The following KIF16B variants were observed in gnomAD, a reference collection of about 807,000 sequenced individuals.
KIF16B encodes the protein kinesin-like protein KIF16B.
A neutral mutation model predicts 156.3 loss-of-function variants in KIF16B; 98 were observed. The ratio of observed to expected loss-of-function variants is 0.63; its 90% confidence interval spans 0.53 to 0.74. The LOEUF (loss-of-function observed/expected upper bound fraction) is 0.74, where lower values mean the gene tolerates loss of function less well. Among genes scored for constraint, KIF16B ranks in the 30% least tolerant of loss-of-function variants. The probability of loss-of-function intolerance (pLI) is 0.00; values close to 1 mark genes in which losing one functional copy is unlikely to be tolerated. For missense variants in KIF16B, 1,421 were observed against 1,606.5 expected, an observed-to-expected ratio of 0.88 and a Z score of 1.97; for synonymous variants, 564 against 583.7, an observed-to-expected ratio of 0.97 and a Z score of 0.49.
intron 22 of KIF16B, chr20:16,368,265 A>G: frequency 1.0e-6 from 1 of 1,003,052 alleles, no homozygotes; most frequent in Non-Finnish European, 1.2e-6. Flanking sequence ...TTGGCGAGGA[A>G]CCTGGTAAAC....
At chr20:16,428,205 T>A (rs2066407792) in intron 14 of KIF16B, among the ~76,000 whole-genome samples, 1 of 152,200 alleles carries the variant, frequency 6.6e-6, no homozygotes, top group Non-Finnish European at 1.5e-5. Context: ...CTGTGGTTTT[T>A]GCCATTACTG....
At chr20:16,483,528 C>G (rs969051693) in intron 12 of KIF16B, among the ~76,000 whole-genome samples, 5 of 152,144 alleles carry the variant, frequency 3.3e-5, no homozygotes, top group African/African-American at 4.8e-5. Context: ...AGGATAGATT[C>G]AGAGTAAACA....
intron 12 of KIF16B, among the ~76,000 whole-genome samples, chr20:16,477,112 G>C (rs1288581363): frequency 2.0e-5 from 3 of 150,932 alleles, no homozygotes; most frequent in African/African-American, 7.3e-5. Flanking sequence ...TGAGAAAACA[G>C]AATCTAGCCC....
At chr20:16,418,731 T>C (rs1179878501) in intron 15 of KIF16B, among the ~76,000 whole-genome samples, 4 of 152,178 alleles carry the variant, frequency 2.6e-5, no homozygotes, top group East Asian at 3.9e-4. Context: ...ACGCAACTCA[T>C]GTAGAGGCAT....
intron 25 of KIF16B, among the ~76,000 whole-genome samples, chr20:16,298,183 T>C (rs1177763347): frequency 6.6e-6 from 1 of 152,198 alleles, no homozygotes; most frequent in African/African-American, 2.4e-5. Flanking sequence ...GCAGAATCTG[T>C]ATTTTTCAAA....
chr20:16,343,449 T>C (rs919597238), intron 23 of KIF16B, among the ~76,000 whole-genome samples: 1 of 152,204 alleles, frequency 6.6e-6, no homozygotes, highest in African/African-American at 2.4e-5. Flanking sequence ...CCTTTACAGT[T>C]ACTTGAAGAG....
At chr20:16,352,848 T>C (rs916740015) in intron 23 of KIF16B, among the ~76,000 whole-genome samples, 7 of 152,294 alleles carry the variant, frequency 4.6e-5, no homozygotes, top group African/African-American at 1.7e-4. Context: ...GGCCCTGGTG[T>C]GGTCACACAA....
intron 25 of KIF16B, among the ~76,000 whole-genome samples, chr20:16,285,366 G>T (rs1283086405): frequency 6.6e-6 from 1 of 152,134 alleles, no homozygotes; most frequent in Admixed American, 6.5e-5. Flanking sequence ...TTCATTGTTT[G>T]TACATGCATG....
At chr20:16,514,885 CAAAAAAAAA>C (rs10564862) in intron 4 of KIF16B, among the ~76,000 whole-genome samples, 1,407 of 60,676 alleles carry the variant, frequency 0.023, 13 homozygotes, top group African/African-American at 0.1. Context: ...GATTCCATCT[CAAAAAAAAA>C]AAAAAAAAAA....
chr20:16,478,180 C>A (rs1269456113), intron 12 of KIF16B, among the ~76,000 whole-genome samples: 3 of 152,156 alleles, frequency 2.0e-5, no homozygotes, highest in Admixed American at 2.0e-4. Flanking sequence ...GAGGGCAAAT[C>A]ATTTGAAAAT....
At chr20:16,291,477 A>G (rs2063314112) in intron 25 of KIF16B, among the ~76,000 whole-genome samples, 1 of 152,348 alleles carries the variant, frequency 6.6e-6, no homozygotes, top group South Asian at 2.1e-4. Context: ...TCTTTCAGTC[A>G]TCAAAACTTT....
Position 16,504,354 on chromosome 20 carries a change from ATC to A in KIF16B, c.1176+16_1176+17del. The A allele has an allele frequency of 6.2e-7, 1 of 1,611,498 alleles. No individual in the cohort carries two copies. Among genetic ancestry groups the A allele is most frequent in the Non-Finnish European group, 8.5e-7 (1 of 1,178,244 alleles). On this transcript the variant is annotated intron_variant, in intron 10 of 25. Coordinates refer to ENST00000354981, the MANE Select transcript of KIF16B (RefSeq NM_024704.5). ...ATTACTCAAAGAAAATTATCCATAA[ATC>A]TCAGAAAAACCCAACCTGATTCCCT... is the stretch of plus-strand genomic sequence containing the variant.
intron 6 of KIF16B, among the ~76,000 whole-genome samples, chr20:16,508,855 T>C (rs1600578683): frequency 6.6e-6 from 1 of 152,354 alleles, no homozygotes; most frequent in East Asian, 1.9e-4. Flanking sequence ...AAAGTGTTTT[T>C]TAAATCATTT....
intron 15 of KIF16B, among the ~76,000 whole-genome samples, chr20:16,416,675 G>A (rs1301940465): frequency 4.0e-5 from 6 of 150,986 alleles, no homozygotes; most frequent in Admixed American, 2.6e-4. Flanking sequence ...CATGGCACAC[G>A]TTTACATATG....
rs1275281057 is a variant in KIF16B at position 16,371,752 on chromosome 20, A to G, written c.3360T>C (p.Ala1120=). ...GTCTTTGGACTTCTTCTTCAATGTA[A>G]GCATTGATCCTGTAACACAATGGAG... The part of the protein sequence containing the change: ...LVPLMDARIN[A]YIEEEVQRRL... Residue 1120 remains alanine, a synonymous_variant, in exon 21 of 26, where the codon GCT becomes GCC. Transcript: ENST00000354981. The G allele has an allele frequency of 6.2e-7, 1 of 1,607,482 alleles. No homozygotes were observed. Among genetic ancestry groups the G allele is most frequent in the Non-Finnish European group, 8.5e-7 (1 of 1,173,944 alleles).
chr20:16,339,809 T>C (rs986508064), intron 23 of KIF16B, among the ~76,000 whole-genome samples: 1 of 152,196 alleles, frequency 6.6e-6, no homozygotes, highest in African/African-American at 2.4e-5. Flanking sequence ...AAAATGGCCA[T>C]TTCTCACTAT....
chr20:16,499,076 C>T (rs2068540840), intron 10 of KIF16B, among the ~76,000 whole-genome samples: 1 of 152,018 alleles, frequency 6.6e-6, no homozygotes, highest in Non-Finnish European at 1.5e-5. Context: ...GAGATGTCCC[C>T]GAGCTATTGT....
chr20:16,524,747 T>C (rs939519833), intron 3 of KIF16B, among the ~76,000 whole-genome samples: 2 of 152,188 alleles, frequency 1.3e-5, no homozygotes, highest in African/African-American at 4.8e-5. Context: ...TGCAGCACTA[T>C]TCACAATAGC....
chr20:16,568,819 CAAAAAAAAAAAAAAAA>C (rs57421025), intron 1 of KIF16B, among the ~76,000 whole-genome samples: 1,013 of 55,588 alleles, frequency 0.018, 19 homozygotes, highest in South Asian at 0.033. Flanking sequence ...GACCCTGTCT[CAAAAAAAAAAAAAAAA>C]AAAAAAAAAA....
Sources: allele counts gnomAD v4.1 joint callset (sites outside exome capture counted in the v4.1 genomes callset), GRCh38; gene constraint gnomAD v4.1.1; transcripts MANE v1.5; gene names NCBI Gene and HGNC (gene_info 2026-07-23, HGNC 2026-07-21).